The following PATJ variants were observed in gnomAD, a reference collection of about 807,000 sequenced individuals.
The protein encoded by PATJ is PATJ crumbs cell polarity complex component.
Under a neutral mutation model 224.9 loss-of-function variants are expected in PATJ, and 190 were observed. The ratio of observed to expected loss-of-function variants is 0.84; its 90% confidence interval spans 0.75 to 0.95. The LOEUF (loss-of-function observed/expected upper bound fraction) is 0.95. PATJ is among the 40% of genes least tolerant of loss of function. The probability of loss-of-function intolerance (pLI) is 0.00; values close to 1 mark genes in which losing one functional copy is unlikely to be tolerated. For missense variants in PATJ, 2,121 were observed against 2,270.3 expected (o/e 0.93, Z 1.34); for synonymous variants, 769 against 820.3 (o/e 0.94, Z 1.07).
chr1:61,912,352 C>T (rs990449871), intron 25 of PATJ, among the ~76,000 whole-genome samples: 2 of 151,872 alleles, frequency 1.3e-5, no homozygotes, highest in Admixed American at 6.6e-5. Flanking sequence ...CCAGCACTTT[C>T]GGAGGCTGAG....
chr1:61,810,052 G>C (rs1424573723), intron 14 of PATJ, among the ~76,000 whole-genome samples: 1 of 151,682 alleles, frequency 6.6e-6, no homozygotes, highest in African/African-American at 2.4e-5. Flanking sequence ...GTTTCACCAT[G>C]TTGGTCAGGC....
chr1:61,753,595 C>T (rs1473429177), intron 1 of PATJ, among the ~76,000 whole-genome samples: 5 of 151,832 alleles, frequency 3.3e-5, no homozygotes, highest in Non-Finnish European at 7.4e-5. Flanking sequence ...CTGCAACCTC[C>T]GCCTCCCGGG....
intron 26 of PATJ, among the ~76,000 whole-genome samples, chr1:61,916,521 C>T (rs1673473211): frequency 6.6e-6 from 1 of 152,126 alleles, no homozygotes; most frequent in Non-Finnish European, 1.5e-5. Flanking sequence ...TGATAGCTAA[C>T]ATTCTTGTCA....
intron 28 of PATJ, among the ~76,000 whole-genome samples, chr1:61,999,894 G>A (rs1049793258): frequency 1.3e-5 from 2 of 151,772 alleles, no homozygotes; most frequent in Non-Finnish European, 2.9e-5. Context: ...GTTTTTTTGG[G>A]TTTTTTTAGG....
rs1648867762 is a variant in PATJ, at chr1:61,787,763, C to T, written c.859C>T (p.Leu287Phe). The change falls in exon 8 of 44, where the codon CTC becomes TTC. Residue 287 changes from leucine to phenylalanine, a missense_variant. Coordinates refer to ENST00000642238, the MANE Select transcript of PATJ (RefSeq NM_001350145.3). ...PGGLADRDGR[L>F]QTGDHILKIG... is the part of the protein sequence containing the mutation. Reference sequence around the variant, plus strand: ...TGTCTTTTTCTTGAAGGATGGAAGACTCCAGACAGGGGACCACATCTTGAA... The same window carrying T: ...TGTCTTTTTCTTGAAGGATGGAAGATTCCAGACAGGGGACCACATCTTGAA... The T allele has an allele frequency of 6.2e-7, 1 of 1,613,052 alleles. No individual in the cohort carries two copies. Among genetic ancestry groups the T allele is most frequent in the South Asian group, 1.1e-5 (1 of 91,054 alleles).
intron 28 of PATJ, chr1:62,013,593 T>G (rs990914762): frequency 2.7e-5 from 22 of 802,322 alleles, no homozygotes; most frequent in Non-Finnish European, 3.3e-5. Context: ...CATGTTGTGT[T>G]GTGGTATAAG....
At chr1:61,950,168 C>T (rs902282302) in intron 27 of PATJ, among the ~76,000 whole-genome samples, 5 of 152,322 alleles carry the variant, frequency 3.3e-5, no homozygotes, top group East Asian at 3.9e-4. Context: ...CACGCTGCTG[C>T]ACTCCAGCTT....
intron 27 of PATJ, among the ~76,000 whole-genome samples, chr1:61,951,354 T>G (rs1051498578): frequency 2.0e-5 from 3 of 152,228 alleles, no homozygotes; most frequent in Non-Finnish European, 4.4e-5. Flanking sequence ...TTGTATTGTT[T>G]AATACCTTTT....
Position 62,153,369 on chromosome 1 carries a change from C to G in PATJ, c.5390C>G (p.Pro1797Arg), listed in dbSNP as rs1390606170. ...HHPEDTETPP[P>R]KIITLEKGSE... Reference sequence around the variant, plus strand: ...CATTGTGTTTTCAGAACACCTCCACCTAAGATTATTACTTTGGAGAAAGGC... The same window carrying G: ...CATTGTGTTTTCAGAACACCTCCACGTAAGATTATTACTTTGGAGAAAGGC... Residue 1797 changes from proline to arginine, a missense_variant, in exon 43 of 44, where the codon CCT (proline) becomes CGT (arginine). Physicochemically the swap from Pro to Arg is moderately radical, Grantham distance 103. Transcript: ENST00000642238. The G allele has an allele frequency of 2.4e-6, 3 of 1,231,470 alleles. No homozygotes were observed. Among genetic ancestry groups the G allele is most frequent in the African/African-American group, 1.6e-5 (1 of 64,398 alleles). The allele number at this position is 1,231,470 out of a possible 1,614,324, so 76.3% of individuals were successfully genotyped here.
chr1:62,039,372 T>A (rs4072369), intron 30 of PATJ, among the ~76,000 whole-genome samples: 53,005 of 151,974 alleles, frequency 0.35, 9,796 homozygotes, highest in South Asian at 0.5. Flanking sequence ...TAAATCTGTT[T>A]GGAGGAAAAA....
intron 41 of PATJ, among the ~76,000 whole-genome samples, chr1:62,144,213 AGT>A (rs1312520041): frequency 6.6e-6 from 1 of 152,196 alleles, no homozygotes; most frequent in African/African-American, 2.4e-5. Context: ...TGGACATAGC[AGT>A]GTTTTCCCCA....
At chr1:61,901,787 A>G (rs1293891586) in intron 24 of PATJ, among the ~76,000 whole-genome samples, 1 of 152,168 alleles carries the variant, frequency 6.6e-6, no homozygotes, top group Non-Finnish European at 1.5e-5. Flanking sequence ...TTTTTCCTGA[A>G]GCCCTAAATT....
intron 1 of PATJ, among the ~76,000 whole-genome samples, chr1:61,758,701 T>C (rs1645790348): frequency 6.6e-6 from 1 of 152,140 alleles, no homozygotes; most frequent in Non-Finnish European, 1.5e-5. Context: ...GGGACACAAG[T>C]TTTTGCTTTG....
intron 32 of PATJ, among the ~76,000 whole-genome samples, chr1:62,079,774 T>C (rs991623212): frequency 1.3e-5 from 2 of 152,156 alleles, no homozygotes; most frequent in African/African-American, 4.8e-5. Flanking sequence ...CTGTTGCTTT[T>C]TGAATATAAG....
chr1:61,932,052 C>T (rs909315282), intron 27 of PATJ, among the ~76,000 whole-genome samples: 2 of 152,172 alleles, frequency 1.3e-5, no homozygotes, highest in Admixed American at 6.5e-5. Context: ...ACAAACAAGT[C>T]GCAACCTGCA....
intron 20 of PATJ, among the ~76,000 whole-genome samples, chr1:61,871,070 G>GTT (rs1247341544): frequency 1.0e-4 from 8 of 78,092 alleles, no homozygotes; most frequent in South Asian, 4.1e-4. Flanking sequence ...TTTGGTTTTT[G>GTT]TTTTTTTTGT....
At position 62,148,120 on chromosome 1, in the gene PATJ, T is replaced by TAAAAAAAAAAAAAAAA. The variant is rs1558235712; in HGVS notation, c.5272-164_5272-163insAAAAAAAAAAAAAAAA. ...TGAGCAACAGAGTGAGACACTGTCT[T>TAAAAAAAAAAAAAAAA]TAAAAAAAAAAAAAAAAAAAAGTTT... On this transcript the variant is annotated intron_variant, in intron 41 of 43. Transcript: ENST00000642238. Among the ~76,000 whole-genome samples, 9 of 108,482 alleles carry TAAAAAAAAAAAAAAAA rather than the reference T, an allele frequency of 8.3e-5. 1 individual carries two copies. The highest frequency in any genetic ancestry group is 4.9e-4 in the East Asian group (2 of 4,086). 71.2% of individuals were successfully genotyped at this position (108,482 alleles called of 152,430 possible).
chr1:62,155,047 A>G (rs769942682), intron 43 of PATJ, among the ~76,000 whole-genome samples: 48 of 152,202 alleles, frequency 3.2e-4, no homozygotes, highest in South Asian at 2.1e-4. Flanking sequence ...TCCTTCTCCT[A>G]TGACACATTT....
chr1:62,094,547 G>T (rs1343596646), intron 33 of PATJ, among the ~76,000 whole-genome samples: 1 of 143,820 alleles, frequency 7.0e-6, no homozygotes, highest in African/African-American at 2.6e-5. Context: ...ACCTAACCTA[G>T]ATTCTGTCTC....
Sources: allele counts gnomAD v4.1 joint callset (sites outside exome capture counted in the v4.1 genomes callset), GRCh38; gene constraint gnomAD v4.1.1; transcripts MANE v1.5; gene names NCBI Gene and HGNC (gene_info 2026-07-23, HGNC 2026-07-21).